IRX1: variants seen among roughly 807,000 people sequenced by gnomAD.
IRX1 encodes iroquois homeobox 1.
Under a neutral mutation model 34.1 loss-of-function variants are expected in IRX1, and 22 were observed. The observed-to-expected ratio is 0.64, with a 90% CI of 0.46 to 0.92. The LOEUF (loss-of-function observed/expected upper bound fraction) is 0.92. IRX1 is among the 40% of genes least tolerant of loss of function. The pLI is 0.00. For synonymous variants in IRX1, 363 were observed against 319.0 expected (o/e 1.14, Z -1.47); for missense variants, 758 against 680.0 (o/e 1.11, Z -1.28).
chr5:3,600,431 G>A (rs1241381257), intron 2 of IRX1, among the ~76,000 whole-genome samples, 171 bp downstream of exon 2: 1 of 152,224 alleles, frequency 6.6e-6, no homozygotes, highest in Non-Finnish European at 1.5e-5. Flanking sequence ...AAGGCCCTAG[G>A]GCTCTCCCAA....
chr5:3,601,117 C>G lies in IRX1; in HGVS notation c.*77C>G, dbSNP rs752451662. ...GGAGGGAATGTGGGAGGAATTAAGA[C>G]AAATATTTCAGACTGGTGTAAAGGA... On this transcript the variant is annotated 3_prime_UTR_variant, in exon 4 of 4. Transcript: ENST00000302006. 3 of 1,290,816 alleles carry G rather than the reference C, an allele frequency of 2.3e-6. No individual in the cohort carries two copies. The highest frequency in any genetic ancestry group is 2.2e-6 in the Non-Finnish European group (2 of 895,436). The allele number at this position is 1,290,816 out of a possible 1,614,324, so 80.0% of individuals were successfully genotyped here.
At position 3,596,300 on chromosome 5, in the gene IRX1, G is replaced by T; in HGVS notation, c.195G>T (p.Ala65=). 6.9e-7 allele frequency: 1 copy of T among 1,448,210 alleles called. No individual in the cohort carries two copies. The highest frequency in any genetic ancestry group is 9.1e-7 in the Non-Finnish European group (1 of 1,102,682). The allele number at this position is 1,448,210 out of a possible 1,614,324, so 89.7% of individuals were successfully genotyped here. The change falls in exon 1 of 4, where the codon GCG becomes GCT. Residue 65 remains alanine (A), a synonymous_variant. Transcript: ENST00000302006. The part of the protein sequence containing the change: ...AAVTSVLGMY[A]AAGPYAGAPN... ...TCACCTCGGTGCTGGGCATGTACGC[G>T]GCGGCGGGGCCGTACGCGGGCGCGC... is the stretch of plus-strand genomic sequence containing the variant.
intron 1 of IRX1, among the ~76,000 whole-genome samples, chr5:3,597,442 G>A (rs1024041556): frequency 1.3e-5 from 2 of 152,208 alleles, no homozygotes; most frequent in Non-Finnish European, 2.9e-5. Context: ...GAGAAGCGGG[G>A]AGTAAACGCC....
Position 3,599,437 on chromosome 5 carries a change from G to T in IRX1, c.489G>T (p.Leu163=). Residue 163 remains leucine, a synonymous_variant, in exon 2 of 4, where the codon CTG becomes CTT. Coordinates refer to ENST00000302006, the MANE Select transcript of IRX1 (RefSeq NM_024337.4). This position sits in a 1 kb window ranked among gnomAD's most constrained non-coding sequence, Gnocchi z 6.6. ...CCACCAAGGGCGAGAAGATCATGCT[G>T]GCCATCATCACCAAGATGACCCTCA... is the stretch of plus-strand genomic sequence containing the variant. ...PYPTKGEKIM[L]AIITKMTLTQ... 1 of 1,614,054 alleles carries T rather than the reference G, an allele frequency of 6.2e-7. No individual in the cohort carries two copies.
At chr5:3,600,723 A>AG (rs776624205) in intron 3 of IRX1, 42 bp downstream of exon 3, 7 of 948,480 alleles carry the variant, frequency 7.4e-6, no homozygotes, top group Admixed American at 1.9e-5. Context: ...GGCGGTGGGG[A>AG]GGGGGGAGGA....
intron 1 of IRX1, among the ~76,000 whole-genome samples, chr5:3,597,158 A>G (rs1743715176): frequency 6.6e-6 from 1 of 152,226 alleles, no homozygotes; most frequent in African/African-American, 2.4e-5. Flanking sequence ...CCCTTGGCTT[A>G]AAACAAATGG....
rs764735861 is a variant in IRX1 at position 3,599,578 on chromosome 5, C to T, written c.630C>T (p.Thr210=). 8.7e-6 allele frequency: 14 copies of T among 1,614,012 alleles called. No homozygotes were observed. Among genetic ancestry groups the T allele is most frequent in the Admixed American group, 1.7e-5 (1 of 60,006 alleles). Residue 210 remains threonine (T), a synonymous_variant, in exon 2 of 4, where the codon ACC becomes ACT. Coordinates refer to ENST00000302006, the MANE Select transcript of IRX1 (RefSeq NM_024337.4). The surrounding 1 kb of genome is among the most constrained non-coding windows in gnomAD (Gnocchi z 6.6). ...ATGGAGCGCTCTTCGGCAGCGACAC[C>T]GAGGGCGACCCGGAGAAGGCCGAGG... ...QEDGALFGSD[T]EGDPEKAEDD...
chr5:3,601,203 C>G lies in IRX1; in HGVS notation c.*163C>G. 2 of 693,036 alleles carry G rather than the reference C, an allele frequency of 2.9e-6. No individual in the cohort carries two copies. The highest frequency in any genetic ancestry group is 2.8e-5 in the East Asian group (1 of 36,246). 42.9% of individuals were successfully genotyped at this position (693,036 alleles called of 1,614,324 possible). On this transcript the variant is annotated 3_prime_UTR_variant, in exon 4 of 4. Coordinates refer to ENST00000302006, the MANE Select transcript of IRX1 (RefSeq NM_024337.4). ...CGCTTTCTGCAGAAAGGGGCTTCTT[C>G]GGTCCCGAGCTCGCGTCCAGGTGGC... is the stretch of plus-strand genomic sequence containing the variant.
At chr5:3,600,337 C>G in intron 2 of IRX1, 77 bp downstream of exon 2, 1 of 1,347,000 alleles carries the variant, frequency 7.4e-7, no homozygotes. Flanking sequence ...GCGTGGGGTG[C>G]AGCATGAGCC....
chr5:3,596,233 C>T lies in IRX1; in HGVS notation c.128C>T (p.Pro43Leu), dbSNP rs1472896612. 6 of 1,155,902 alleles carry T rather than the reference C, an allele frequency of 5.2e-6. No individual in the cohort carries two copies. The highest frequency in any genetic ancestry group is 3.9e-5 in the East Asian group (1 of 25,828). The allele number at this position is 1,155,902 out of a possible 1,614,324, so 71.6% of individuals were successfully genotyped here. ...GCTGCCGCCGCCTCGTCGGGCCGAC[C>T]GGGGGCCGCGGAGCTGGGCGGCGGG... is the stretch of plus-strand genomic sequence containing the variant. ...AAAAAASSGRPGAAELGGGAG... is the reference protein window; with the variant it reads ...AAAAAASSGRLGAAELGGGAG... The change falls in exon 1 of 4, where the codon CCG becomes CTG. Residue 43 changes from proline (P) to leucine (L), a missense_variant. Coordinates refer to ENST00000302006, the MANE Select transcript of IRX1 (RefSeq NM_024337.4).
chr5:3,600,247 C>T lies in IRX1; in HGVS notation c.1299C>T (p.Ser433=), dbSNP rs555273728. The change falls in exon 2 of 4, where the codon AGC becomes AGT. Residue 433 remains serine, a synonymous_variant. Transcript: ENST00000302006. The part of the protein sequence containing the change: ...LNGDKASVRS[S]PTLPERDLVP... ...GAGACAAGGCCTCGGTCCGCAGCAGCCCCACGCTCCCAGGTACAGCTCCAG... is the reference window on the plus strand; with the variant it reads ...GAGACAAGGCCTCGGTCCGCAGCAGTCCCACGCTCCCAGGTACAGCTCCAG... The T allele has an allele frequency of 6.3e-7, 1 of 1,593,546 alleles. No individual in the cohort carries two copies. Among genetic ancestry groups the T allele is most frequent in the South Asian group, 1.1e-5 (1 of 89,002 alleles).
Position 3,599,684 on chromosome 5 carries a change from G to C in IRX1, c.736G>C (p.Glu246Gln), listed in dbSNP as rs1204553276. The C allele has an allele frequency of 1.2e-6, 2 of 1,613,416 alleles. No homozygotes were observed. The highest frequency in any genetic ancestry group is 8.5e-7 in the Non-Finnish European group (1 of 1,180,016). The change falls in exon 2 of 4, where the codon GAG becomes CAG. Residue 246 changes from glutamate to glutamine, a missense_variant. Coordinates refer to ENST00000302006, the MANE Select transcript of IRX1 (RefSeq NM_024337.4). This position sits in a 1 kb window ranked among gnomAD's most constrained non-coding sequence, Gnocchi z 6.6. ...TGGCGACCAGAGCAACGAGGATGAC[G>C]AGGACAAGGCCGAGGCTCCGCACGC... ...HDGDQSNEDD[E>Q]DKAEAPHAPA...
intron 1 of IRX1, among the ~76,000 whole-genome samples, chr5:3,597,503 G>T (rs1280537162): frequency 6.6e-6 from 1 of 152,150 alleles, no homozygotes; most frequent in East Asian, 1.9e-4. Context: ...TTTTCTTGTA[G>T]TTTTGAAAGA....
Position 3,596,059 on chromosome 5 carries a change from CG to C in IRX1, c.-46del. On this transcript the variant is annotated 5_prime_UTR_variant, in exon 1 of 4. Coordinates refer to ENST00000302006, the MANE Select transcript of IRX1 (RefSeq NM_024337.4). The stretch of plus-strand genomic sequence containing the variant: ...TCCGGCCGGCCTCCGCCTCCCTCCC[CG>C]CGCCTTTAATACTCGCCCGCTGCGG... 9.6e-7 allele frequency: 1 copy of C among 1,039,050 alleles called. No individual in the cohort carries two copies. The highest frequency in any genetic ancestry group is 1.2e-6 in the Non-Finnish European group (1 of 863,904). The allele number at this position is 1,039,050 out of a possible 1,614,324, so 64.4% of individuals were successfully genotyped here. A position where few individuals can be genotyped will look rare whatever the true frequency, so the allele number is the denominator to read the frequency against.
rs773109118 is a variant in IRX1 at position 3,600,101 on chromosome 5, C to A, written c.1153C>A (p.Leu385Met). ...TNSAFLAQGSLLNMRSFLGVG... is the reference protein window; with the variant it reads ...TNSAFLAQGSMLNMRSFLGVG... ...CAGCGCATTCCTCGCACAGGGCTCC[C>A]TGCTCAACATGCGCTCCTTCCTGGG... Residue 385 changes from leucine (L) to methionine (M), a missense_variant, in exon 2 of 4, where the codon CTG becomes ATG. Around this residue, in one of 3 missense-constraint regions of IRX1, gnomAD observed 529 missense variants for 418.8 expected, o/e 1.26. Transcript: ENST00000302006. 27 of 1,613,354 alleles carry A rather than the reference C, an allele frequency of 1.7e-5. No homozygotes were observed. Among genetic ancestry groups the A allele is most frequent in the Non-Finnish European group, 1.9e-5 (22 of 1,179,888 alleles).
At position 3,600,668 on chromosome 5, in the gene IRX1, C is replaced by T. The variant is rs1733940201; in HGVS notation, c.1372C>T (p.Pro458Ser). The change falls in exon 3 of 4, where the codon CCG (proline) becomes TCG (serine). Residue 458 changes from proline to serine, a missense_variant. This residue lies in a region of IRX1 where 529 missense variants were observed against 418.8 expected (regional missense o/e 1.26). Transcript: ENST00000302006. Reference sequence around the variant, plus strand: ...ACAGCAGTTAAAGTCGCCCTTCCAGCCGGTACGCGACAAGTGAGTGCTGTT... The same window carrying T: ...ACAGCAGTTAAAGTCGCCCTTCCAGTCGGTACGCGACAAGTGAGTGCTGTT... ...PAQQLKSPFQ[P>S]VRDNSLAPQE... is the part of the protein sequence containing the mutation. The T allele has an allele frequency of 6.2e-7, 1 of 1,613,794 alleles. No homozygotes were observed.
intron 3 of IRX1, 149 bp downstream of exon 3, chr5:3,600,830 G>C (rs1375171212): frequency 5.3e-5 from 60 of 1,135,298 alleles, no homozygotes; most frequent in Non-Finnish European, 7.3e-5. Flanking sequence ...GGCGCCGGGC[G>C]AGCCGAGGAG....
chr5:3,600,267 C>A lies in IRX1; in HGVS notation c.1312+7C>A. The A allele has an allele frequency of 6.4e-7, 1 of 1,563,348 alleles. No individual in the cohort carries two copies. Among genetic ancestry groups the A allele is most frequent in the Non-Finnish European group, 8.6e-7 (1 of 1,158,312 alleles). ...AGCAGCCCCACGCTCCCAGGTACAG[C>A]TCCAGGCCGCGTCCACCTGTCCCCT... is the stretch of plus-strand genomic sequence containing the variant. On this transcript the variant is annotated splice_region_variant and intron_variant, in intron 2 of 3. Transcript: ENST00000302006.
intron 1 of IRX1, among the ~76,000 whole-genome samples, chr5:3,596,759 G>A (rs1743707686): frequency 6.6e-6 from 1 of 152,176 alleles, no homozygotes; most frequent in South Asian, 2.1e-4. Flanking sequence ...GGTCGGCCCG[G>A]CGTAGCGTAG....
Sources: gnomAD v4.1 joint callset for allele counts (sites outside exome capture counted in the v4.1 genomes callset) on GRCh38, gnomAD v4.1.1 for gene constraint, gnomAD v4.1.1 regional missense constraint, Gnocchi (gnomAD v3.1) non-coding constraint, MANE v1.5 for transcripts, NCBI Gene and HGNC (gene_info 2026-07-23, HGNC 2026-07-21) for gene names.